Variants in SEC23B observed in about 807,000 individuals in gnomAD.
SEC23B encodes protein transport protein Sec23B.
Under a neutral mutation model 104.3 loss-of-function variants are expected in SEC23B, and 77 were observed. The observed-to-expected ratio is 0.74, with a 90% CI of 0.61 to 0.89. SEC23B has a LOEUF of 0.89. Ranked by LOEUF, SEC23B falls within the 40% of genes least tolerant of loss-of-function variation. The pLI, the probability that SEC23B is intolerant of heterozygous loss-of-function variation, is 0.00. For synonymous variants in SEC23B, 338 were observed against 332.5 expected (o/e 1.02, Z -0.18); for missense variants, 885 against 949.4 (o/e 0.93, Z 0.89).
chr20:18,551,275 C>CAA, intron 17 of SEC23B, 100 bp downstream of exon 17: 1 of 698,228 alleles, frequency 1.4e-6, no homozygotes, highest in Non-Finnish European at 2.4e-6. Context: ...TTGTCCTTAA[C>CAA]TATGGTTTTT....
At chr20:18,507,726 T>G (rs1056958972), upstream of SEC23B, 1 of 152,356 alleles carries the variant, frequency 6.6e-6, no homozygotes, top group African/African-American at 2.4e-5. Context: ...GGGAAACGTG[T>G]TCCGAGGAAC....
chr20:18,538,849 GT>G (rs1426203983), intron 12 of SEC23B, among the ~76,000 whole-genome samples: 1 of 151,998 alleles, frequency 6.6e-6, no homozygotes, highest in Non-Finnish European at 1.5e-5. Flanking sequence ...ATCCATTAAA[GT>G]TTTATCATGA....
chr20:18,532,576 T>C (rs1242745670), intron 10 of SEC23B, 88 bp from the exon 11 acceptor site: 4 of 954,928 alleles, frequency 4.2e-6, no homozygotes, highest in Non-Finnish European at 6.9e-6. Context: ...AGTGTTATAT[T>C]TTCCCTCTAA....
At chr20:18,509,755 T>C (rs1301881348) in intron 1 of SEC23B, 1 of 152,068 alleles carries the variant, frequency 6.6e-6, no homozygotes, top group African/African-American at 2.4e-5. Context: ...ACCTGGCTAA[T>C]TTTTGTATTT....
At chr20:18,511,379 GT>G (rs1032634197) in intron 2 of SEC23B, among the ~76,000 whole-genome samples, 1 of 152,064 alleles carries the variant, frequency 6.6e-6, no homozygotes, top group African/African-American at 2.4e-5. Flanking sequence ...TCCTCTTAAA[GT>G]AATTTCCCAG....
At position 18,546,085 on chromosome 20, in the gene SEC23B, A is replaced by C. The variant is rs751830327; in HGVS notation, c.1743+52A>C. 8 of 1,027,260 alleles carry C rather than the reference A, an allele frequency of 7.8e-6. No individual in the cohort carries two copies. The East Asian group carries it at 1.4e-4, about 18-fold the overall frequency. 63.6% of individuals were successfully genotyped at this position (1,027,260 alleles called of 1,614,324 possible). ...CTACAGAGCAATAAATTTTGATAGAAATTAACTTTATTCTTAGGGTAAAGT... is the reference window on the plus strand; with the variant it reads ...CTACAGAGCAATAAATTTTGATAGACATTAACTTTATTCTTAGGGTAAAGT... On this transcript the variant is annotated intron_variant, in intron 15 of 19. Transcript: ENST00000650089.
At chr20:18,560,261 G>A (rs1046776006) in intron 19 of SEC23B, among the ~76,000 whole-genome samples, 6 of 152,136 alleles carry the variant, frequency 3.9e-5, no homozygotes, top group South Asian at 2.1e-4. Flanking sequence ...CAGTTCACTC[G>A]TTTGTGGGTA....
chr20:18,543,043 C>G lies in SEC23B; in HGVS notation c.1536C>G (p.Leu512=). 1 of 1,614,172 alleles carries G rather than the reference C, an allele frequency of 6.2e-7. No homozygotes were observed. The highest frequency in any genetic ancestry group is 8.5e-7 in the Non-Finnish European group (1 of 1,180,028). ...GTTGGGCAGATGTACAGAGTCAGCT[C>G]AGGCACATAGAAGCAGCATTTGACC... ...ARNWADVQSQ[L]RHIEAAFDQE... Residue 512 remains leucine (L), a synonymous_variant, in exon 14 of 20, where the codon CTC becomes CTG. Transcript: ENST00000650089.
chr20:18,531,656 A>AAAG (rs1325577108), intron 10 of SEC23B, among the ~76,000 whole-genome samples: 1 of 151,218 alleles, frequency 6.6e-6, no homozygotes, highest in African/African-American at 2.4e-5. Flanking sequence ...CTGTCTCAAA[A>AAAG]AAAAAAAAAA....
At position 18,511,069 on chromosome 20, in the gene SEC23B, T is replaced by C; in HGVS notation, c.221+13T>C. 6.4e-7 allele frequency: 1 copy of C among 1,557,486 alleles called. No individual in the cohort carries two copies. The highest frequency in any genetic ancestry group is 8.9e-7 in the Non-Finnish European group (1 of 1,128,376). The stretch of plus-strand genomic sequence containing the variant: ...TCAACCCACTTTGGTATGGATTCTT[T>C]TGAAACTGGTAAAAATGATAAATAC... On this transcript the variant is annotated intron_variant, in intron 2 of 19. Transcript: ENST00000650089.
rs966234537 is a variant in SEC23B, at chr20:18,551,007, A to C, written c.1906-82A>C. 5.9e-6 allele frequency: 5 copies of C among 847,220 alleles called. No homozygotes were observed. The African/African-American group carries it at 8.2e-5, about 14-fold the overall frequency. 52.5% of individuals were successfully genotyped at this position (847,220 alleles called of 1,614,324 possible). On this transcript the variant is annotated intron_variant, in intron 16 of 19. Transcript: ENST00000650089. ...ATAGCCTTTGCTGTGGATACCAGGC[A>C]TGGGATCAGGGTCGGGTGGAAGTGG...
Position 18,525,893 on chromosome 20 carries a change from C to A in SEC23B, c.795C>A (p.Ser265=). The A allele has an allele frequency of 6.2e-7, 1 of 1,614,186 alleles. No individual in the cohort carries two copies. Among genetic ancestry groups the A allele is most frequent in the Non-Finnish European group, 8.5e-7 (1 of 1,180,046 alleles). ...CTCAGGGGAAGAGACCTTTGCGATC[C>A]ACTGGTGTGGCTTTGTCCATTGCTG... is the stretch of plus-strand genomic sequence containing the variant. ...PVTQGKRPLR[S]TGVALSIAVG... is the part of the protein sequence containing the mutation. The change falls in exon 7 of 20, where the codon TCC becomes TCA. Residue 265 remains serine (S), a synonymous_variant. Transcript: ENST00000650089.
intron 12 of SEC23B, among the ~76,000 whole-genome samples, chr20:18,539,907 G>A (rs955849687): frequency 6.6e-6 from 1 of 152,156 alleles, no homozygotes; most frequent in African/African-American, 2.4e-5. Flanking sequence ...GGCCTCCAAA[G>A]TGCTGGGATT....
At chr20:18,526,265 T>C in intron 7 of SEC23B, 108 bp from the exon 8 acceptor site, 1 of 1,287,134 alleles carries the variant, frequency 7.8e-7, no homozygotes, top group Admixed American at 1.8e-5. Context: ...CACCACTTTT[T>C]AGGACAGCTG....
chr20:18,554,108 T>G (rs554432821), intron 17 of SEC23B, 127 bp from the exon 18 acceptor site: 2 of 1,115,180 alleles, frequency 1.8e-6, no homozygotes, highest in Non-Finnish European at 2.6e-6. Flanking sequence ...CCTCTGAAGC[T>G]TGTCATTTTT....
rs150042408 is a variant in SEC23B, at chr20:18,527,553, G to C, written c.1051G>C (p.Ala351Pro). The change falls in exon 9 of 20, where the codon GCT becomes CCT. Residue 351 changes from alanine (A) to proline (P), a missense_variant. Ala to Pro is a conservative substitution (Grantham distance 27). Coordinates refer to ENST00000650089, the MANE Select transcript of SEC23B (RefSeq NM_006363.6). The stretch of plus-strand genomic sequence containing the variant: ...AAATGGTCACTGCATTGATATTTAT[G>C]CTTGTGCCCTTGATCAAACTGGACT... ...AANGHCIDIYACALDQTGLLE... is the reference protein window; with the variant it reads ...AANGHCIDIYPCALDQTGLLE... 6.2e-7 allele frequency: 1 copy of C among 1,613,778 alleles called. No homozygotes were observed. Among genetic ancestry groups the C allele is most frequent in the African/African-American group, 1.3e-5 (1 of 74,918 alleles).
At chr20:18,532,183 A>G (rs2295555) in intron 10 of SEC23B, among the ~76,000 whole-genome samples, 103,536 of 152,182 alleles carry the variant, frequency 0.68, 36,677 homozygotes, top group Non-Finnish European at 0.8. Context: ...TTTCTTTTAA[A>G]GATGGACTTT....
intron 4 of SEC23B, among the ~76,000 whole-genome samples, chr20:18,522,828 C>CG (rs1009403292): frequency 1.3e-5 from 2 of 152,040 alleles, no homozygotes; most frequent in Non-Finnish European, 2.9e-5. Context: ...GGGGCTGAGG[C>CG]GGGGGGATCA....
chr20:18,555,457 C>G (rs2060427925), intron 19 of SEC23B, among the ~76,000 whole-genome samples: 1 of 152,078 alleles, frequency 6.6e-6, no homozygotes, highest in African/African-American at 2.4e-5. Flanking sequence ...GTGGTGTCCT[C>G]CGTCACACAG....
Sources: allele counts gnomAD v4.1 joint callset (sites outside exome capture counted in the v4.1 genomes callset), GRCh38; gene constraint gnomAD v4.1.1; transcripts MANE v1.5; gene names NCBI Gene and HGNC (gene_info 2026-07-23, HGNC 2026-07-21).